Variants in EGFLAM observed in about 807,000 individuals in gnomAD.
EGFLAM encodes the protein EGF like, fibronectin type III and laminin G domains.
EGFLAM carries 79 observed loss-of-function variants against 113.1 expected under a neutral mutation model. The observed-to-expected ratio is 0.70, with a 90% confidence interval of 0.58 to 0.84. The LOEUF (loss-of-function observed/expected upper bound fraction) is 0.84. Ranked by LOEUF, EGFLAM falls within the 40% of genes least tolerant of loss-of-function variation. EGFLAM has a pLI of 0.00. For synonymous variants in EGFLAM, 504 were observed against 487.6 expected (o/e 1.03, Z -0.44); for missense variants, 1,265 against 1,291.6 (o/e 0.98, Z 0.32).
intron 1 of EGFLAM, among the ~76,000 whole-genome samples, chr5:38,267,650 C>G (rs906768536): frequency 2.6e-5 from 4 of 152,096 alleles, no homozygotes; most frequent in African/African-American, 9.7e-5. Flanking sequence ...TGAAGTAATC[C>G]AGGCTAGAAG....
intron 18 of EGFLAM, among the ~76,000 whole-genome samples, chr5:38,449,126 C>T (rs1742821045): frequency 6.6e-6 from 1 of 152,096 alleles, no homozygotes; most frequent in Non-Finnish European, 1.5e-5. Flanking sequence ...TTCCCCAGTT[C>T]TTTGTGGTTT....
At chr5:38,434,375 G>A (rs760155269) in intron 15 of EGFLAM, among the ~76,000 whole-genome samples, 8 of 152,154 alleles carry the variant, frequency 5.3e-5, no homozygotes, top group Non-Finnish European at 1.2e-4. Flanking sequence ...TTCCCTGCTC[G>A]CATAAACCCC....
chr5:38,444,141 T>A (rs1325484848), intron 17 of EGFLAM, among the ~76,000 whole-genome samples: 1 of 152,204 alleles, frequency 6.6e-6, no homozygotes, highest in East Asian at 1.9e-4. Flanking sequence ...ACTGCAGGGC[T>A]TCTGGCTTGG....
At chr5:38,431,004 C>G (rs1177495724) in intron 14 of EGFLAM, among the ~76,000 whole-genome samples, 173 bp from the exon 15 acceptor site, 5 of 152,146 alleles carry the variant, frequency 3.3e-5, no homozygotes, top group Admixed American at 1.3e-4. Flanking sequence ...TTCCATGATG[C>G]CTGCCCAGGT....
intron 5 of EGFLAM, among the ~76,000 whole-genome samples, chr5:38,355,218 T>G (rs935361981): frequency 1.3e-5 from 2 of 152,190 alleles, no homozygotes; most frequent in African/African-American, 4.8e-5. Context: ...CATTGAGATC[T>G]CTCTGAAACC....
At position 38,407,078 on chromosome 5, in the gene EGFLAM, A is replaced by G. The variant is rs751917707; in HGVS notation, c.1079A>G (p.Asn360Ser). 3 of 1,614,156 alleles carry G rather than the reference A, an allele frequency of 1.9e-6. No homozygotes were observed. Among genetic ancestry groups the G allele is most frequent in the East Asian group, 4.5e-5 (2 of 44,868 alleles). ...TGCTCTGCTGACAGCTTCTGTGTCA[A>G]TGACTACACCTGGGGGGGCTCGCGA... The part of the protein sequence containing the change: ...TLCSADSFCV[N>S]DYTWGGSRCQ... Residue 360 changes from asparagine to serine, a missense_variant, in exon 8 of 22, where the codon AAT becomes AGT. Transcript: ENST00000322350.
intron 15 of EGFLAM, among the ~76,000 whole-genome samples, chr5:38,433,499 G>A (rs1013054717): frequency 3.3e-5 from 5 of 152,118 alleles, no homozygotes; most frequent in African/African-American, 7.2e-5. Context: ...TCTCTCCTGC[G>A]GTCCCCCTTG....
intron 6 of EGFLAM, among the ~76,000 whole-genome samples, chr5:38,391,384 TTG>T (rs758900897): frequency 1.5e-3 from 143 of 97,594 alleles, no homozygotes; most frequent in Non-Finnish European, 1.9e-3. Context: ...TTTCTTTTCT[TTG>T]TGTGTGTGTG....
intron 1 of EGFLAM, among the ~76,000 whole-genome samples, chr5:38,262,792 G>A (rs866616205): frequency 1.2e-4 from 18 of 152,204 alleles, no homozygotes; most frequent in Admixed American, 2.0e-4. Flanking sequence ...CTAGACACGT[G>A]CACGTAGAAG....
intron 1 of EGFLAM, among the ~76,000 whole-genome samples, chr5:38,300,200 G>T (rs1758542318): frequency 6.6e-6 from 1 of 152,140 alleles, no homozygotes; most frequent in African/African-American, 2.4e-5. Flanking sequence ...TGGGGGTGTG[G>T]CTGGCCTGTT....
chr5:38,355,352 G>T (rs1739738500), intron 5 of EGFLAM, among the ~76,000 whole-genome samples: 1 of 152,136 alleles, frequency 6.6e-6, no homozygotes, highest in Non-Finnish European at 1.5e-5. Context: ...ATGATGAAGG[G>T]GGGAGTCTGG....
intron 6 of EGFLAM, among the ~76,000 whole-genome samples, chr5:38,390,466 G>A (rs1187197320): frequency 6.6e-6 from 1 of 152,120 alleles, no homozygotes; most frequent in Non-Finnish European, 1.5e-5. Flanking sequence ...ACAGTCTTGT[G>A]TATGTTTCCT....
intron 15 of EGFLAM, among the ~76,000 whole-genome samples, chr5:38,434,518 AT>A (rs1284367061): frequency 6.6e-6 from 1 of 152,224 alleles, no homozygotes; most frequent in African/African-American, 2.4e-5. Context: ...ATTTGTATTT[AT>A]TTTATCGTAA....
chr5:38,305,371 C>T (rs907265498), intron 1 of EGFLAM: 1 of 391,104 alleles, frequency 2.6e-6, no homozygotes, highest in African/African-American at 2.1e-5. Flanking sequence ...CCCAGCCAAA[C>T]TATCAATGAA....
At chr5:38,449,011 G>A (rs1437823634) in intron 18 of EGFLAM, among the ~76,000 whole-genome samples, 1 of 152,242 alleles carries the variant, frequency 6.6e-6, no homozygotes, top group Non-Finnish European at 1.5e-5. Context: ...CCCTGGCCTG[G>A]AGTCCTCGCT....
At chr5:38,328,934 A>G (rs1371034675) in intron 1 of EGFLAM, among the ~76,000 whole-genome samples, 2 of 151,870 alleles carry the variant, frequency 1.3e-5, no homozygotes, top group Non-Finnish European at 2.9e-5. Flanking sequence ...AGATTCCATT[A>G]TTTTTTAAAA....
rs778262639 is a variant in EGFLAM, at chr5:38,407,096, G to A, written c.1097G>A (p.Gly366Asp). The change falls in exon 8 of 22, where the codon GGC (glycine) becomes GAC (aspartate). Residue 366 changes from glycine (G) to aspartate (D), a missense_variant. Transcript: ENST00000322350. ...TGTGTCAATGACTACACCTGGGGGG[G>A]CTCGCGATGCCAGTGCACCCTGGGC... Reference protein sequence around the residue: ...SFCVNDYTWGGSRCQCTLGKG... With the variant: ...SFCVNDYTWGDSRCQCTLGKG... The A allele has an allele frequency of 6.8e-6, 11 of 1,613,994 alleles. No homozygotes were observed. The highest frequency in any genetic ancestry group is 9.3e-6 in the Non-Finnish European group (11 of 1,180,034).
intron 8 of EGFLAM, among the ~76,000 whole-genome samples, chr5:38,407,377 A>C (rs1299380465): frequency 6.6e-6 from 1 of 152,210 alleles, no homozygotes; most frequent in Non-Finnish European, 1.5e-5. Flanking sequence ...TAGTCCCTTT[A>C]AAGCAATCAA....
At chr5:38,287,132 A>G (rs900472423) in intron 1 of EGFLAM, among the ~76,000 whole-genome samples, 4 of 152,210 alleles carry the variant, frequency 2.6e-5, no homozygotes, top group Non-Finnish European at 5.9e-5. Context: ...GATTAGTTCT[A>G]GGTAATAGAT....
Sources: gnomAD v4.1 joint callset for allele counts (sites outside exome capture counted in the v4.1 genomes callset) on GRCh38, gnomAD v4.1.1 for gene constraint, MANE v1.5 for transcripts, NCBI Gene and HGNC (gene_info 2026-07-23, HGNC 2026-07-21) for gene names.